Variants in TNIP1 observed in about 807,000 individuals in gnomAD.
The protein encoded by TNIP1 is TNFAIP3-interacting protein 1.
In TNIP1, 22 loss-of-function variants were observed where a neutral mutation model predicts 86.6. The observed-to-expected ratio is 0.25, with a 90% CI of 0.18 to 0.36. The LOEUF is 0.36. Among genes scored for constraint, TNIP1 ranks in the 10% least tolerant of loss-of-function variants. The pLI, the probability that TNIP1 is intolerant of heterozygous loss-of-function variation, is 1.00. For synonymous variants in TNIP1, 294 were observed against 313.0 expected (o/e 0.94, Z 0.64); for missense variants, 709 against 820.6 (o/e 0.86, Z 1.66).
chr5:151,030,780 T>C (rs756212027), intron 17 of TNIP1, 33 bp from the exon 18 acceptor site: 5 of 1,555,132 alleles, frequency 3.2e-6, no homozygotes, highest in Non-Finnish European at 3.5e-6. Flanking sequence ...GACTTCATGA[T>C]TATGTGGTAG....
At chr5:151,035,100 G>T in intron 14 of TNIP1, 33 bp from the exon 15 acceptor site, 1 of 1,605,824 alleles carries the variant, frequency 6.2e-7, no homozygotes. Flanking sequence ...AAAGACTGTC[G>T]GCACAGGTGG....
At position 151,030,603 on chromosome 5, in the gene TNIP1, C is replaced by A; in HGVS notation, c.*110G>T. 3.2e-6 allele frequency: 5 copies of A among 1,562,098 alleles called. No individual in the cohort carries two copies. The highest frequency in any genetic ancestry group is 2.3e-5 in the East Asian group (1 of 42,974). On this transcript the variant is annotated 3_prime_UTR_variant, in exon 18 of 18. Coordinates refer to ENST00000521591, the MANE Select transcript of TNIP1 (RefSeq NM_006058.5). ...AAGCTGGCCACCCATCTCAGCCTCT[C>A]ATCCAGCTGAGGCTCTGGCCACACC... is the stretch of plus-strand genomic sequence containing the variant.
intron 1 of TNIP1, among the ~76,000 whole-genome samples, chr5:151,068,580 T>A (rs1438580983): frequency 6.6e-6 from 1 of 152,206 alleles, no homozygotes; most frequent in East Asian, 1.9e-4. Context: ...TGGCAGTATC[T>A]GGAGTTCAGA....
At chr5:151,033,147 G>GAAA (rs1757131563) in intron 16 of TNIP1, among the ~76,000 whole-genome samples, 1 of 102,858 alleles carries the variant, frequency 9.7e-6, no homozygotes, top group African/African-American at 3.6e-5. Flanking sequence ...AAAAAAAAAG[G>GAAA]AAAAGAAAAT....
chr5:151,035,528 C>T, intron 14 of TNIP1, 54 bp downstream of exon 14: 1 of 1,613,100 alleles, frequency 6.2e-7, no homozygotes, highest in Non-Finnish European at 8.5e-7. Flanking sequence ...AATCCATGCC[C>T]CCTCTCCCCA....
chr5:151,075,018 T>A (rs1178882165), intron 1 of TNIP1, among the ~76,000 whole-genome samples: 1 of 152,200 alleles, frequency 6.6e-6, no homozygotes, highest in African/African-American at 2.4e-5. Context: ...GCTCAAGAGA[T>A]CCACCTGCCT....
chr5:151,068,456 A>G (rs913006253), intron 1 of TNIP1, among the ~76,000 whole-genome samples: 1 of 152,180 alleles, frequency 6.6e-6, no homozygotes, highest in South Asian at 2.1e-4. Flanking sequence ...GAAACACTCA[A>G]TGGATGAGGG....
At chr5:151,063,779 A>T (rs1761889670) in intron 2 of TNIP1, 32 bp from the exon 3 acceptor site, 1 of 1,606,010 alleles carries the variant, frequency 6.2e-7, no homozygotes, top group African/African-American at 1.3e-5. Context: ...AAGCAAAAGC[A>T]TTTACTCGGC....
intron 5 of TNIP1, among the ~76,000 whole-genome samples, chr5:151,059,596 G>A (rs1279532941): frequency 3.3e-5 from 5 of 152,044 alleles, no homozygotes. Context: ...GGGAAGGAAG[G>A]GAGAATGGAG....
At chr5:151,077,716 C>G (rs1212557377) in intron 1 of TNIP1, among the ~76,000 whole-genome samples, 1 of 152,226 alleles carries the variant, frequency 6.6e-6, no homozygotes, top group Non-Finnish European at 1.5e-5. Flanking sequence ...AGTTGCAGCC[C>G]AGCAATCTGT....
At chr5:151,073,732 A>T (rs1011660721) in intron 1 of TNIP1, among the ~76,000 whole-genome samples, 7 of 151,538 alleles carry the variant, frequency 4.6e-5, no homozygotes, top group East Asian at 1.9e-4. Context: ...ATTCTCTATT[A>T]AAAAAAAACT....
At chr5:151,054,860 C>T (rs6895271) in intron 6 of TNIP1, among the ~76,000 whole-genome samples, 36,039 of 152,010 alleles carry the variant, frequency 0.24, 4,329 homozygotes, top group South Asian at 0.3. Context: ...TAAAAATACC[C>T]AAGATGCCAT....
chr5:151,078,649 G>A (rs1763658542), intron 1 of TNIP1, among the ~76,000 whole-genome samples: 1 of 152,226 alleles, frequency 6.6e-6, no homozygotes, highest in Non-Finnish European at 1.5e-5. Context: ...CCTCTGAGGA[G>A]CTGACATTTG....
intron 1 of TNIP1, among the ~76,000 whole-genome samples, chr5:151,072,503 C>G (rs1762928857): frequency 6.6e-6 from 1 of 152,240 alleles, no homozygotes; most frequent in African/African-American, 2.4e-5. Context: ...GCAGCCAGCA[C>G]TGGCTACAGT....
chr5:151,037,744 G>A (rs901886218), intron 12 of TNIP1, among the ~76,000 whole-genome samples: 2 of 152,066 alleles, frequency 1.3e-5, no homozygotes, highest in African/African-American at 4.8e-5. Flanking sequence ...GGACAGCATC[G>A]CCCATGGGCC....
At chr5:151,078,521 T>C (rs934845926) in intron 1 of TNIP1, 11 of 152,332 alleles carry the variant, frequency 7.2e-5, no homozygotes, top group African/African-American at 2.4e-4. Context: ...ATACATATGC[T>C]TTCTCATTCG....
chr5:151,057,789 A>G (rs1760871547), intron 5 of TNIP1, among the ~76,000 whole-genome samples: 1 of 152,228 alleles, frequency 6.6e-6, no homozygotes, highest in South Asian at 2.1e-4. Flanking sequence ...TAAACAATAC[A>G]GTATACCAAA....
intron 7 of TNIP1, among the ~76,000 whole-genome samples, chr5:151,051,056 C>G (rs1409502602): frequency 1.3e-5 from 2 of 152,200 alleles, no homozygotes; most frequent in Admixed American, 1.3e-4. Flanking sequence ...CAAGGTCATA[C>G]AGCAGAGACT....
At chr5:151,057,980 C>T (rs1039304297) in intron 5 of TNIP1, among the ~76,000 whole-genome samples, 2 of 152,190 alleles carry the variant, frequency 1.3e-5, no homozygotes, top group African/African-American at 2.4e-5. Flanking sequence ...TACCAAGGGA[C>T]ATCTGCATAT....
Sources: gnomAD v4.1 joint callset for allele counts (sites outside exome capture counted in the v4.1 genomes callset) on GRCh38, gnomAD v4.1.1 for gene constraint, MANE v1.5 for transcripts, NCBI Gene and HGNC (gene_info 2026-07-23, HGNC 2026-07-21) for gene names.